Variants in OCA2 observed in about 807,000 individuals in gnomAD.
OCA2 encodes the protein P protein.
In OCA2, 77 loss-of-function variants were observed where a neutral mutation model predicts 100.2. The ratio of observed to expected loss-of-function variants is 0.77; its 90% CI spans 0.64 to 0.93. OCA2 has a LOEUF of 0.93. OCA2 is among the 40% of genes least tolerant of loss of function. The pLI is 0.00. For synonymous variants in OCA2, 432 were observed against 439.2 expected (o/e 0.98, Z 0.21); for missense variants, 1,062 against 1,089.1 (o/e 0.98, Z 0.35).
intron 18 of OCA2, among the ~76,000 whole-genome samples, chr15:27,942,614 A>G (rs922355255): frequency 6.6e-6 from 1 of 152,182 alleles, no homozygotes; most frequent in African/African-American, 2.4e-5. Context: ...CTTTGTGAAT[A>G]TACTAAAATA....
At chr15:27,950,592 G>C (rs1487068594) in intron 18 of OCA2, 1 of 513,636 alleles carries the variant, frequency 1.9e-6, no homozygotes, top group Admixed American at 2.0e-5. Flanking sequence ...AGATTATCAA[G>C]AGAAAGAAAT....
At chr15:28,001,154 G>A (rs549521874) in intron 9 of OCA2, among the ~76,000 whole-genome samples, 7 of 152,012 alleles carry the variant, frequency 4.6e-5, no homozygotes, top group South Asian at 4.2e-4. Flanking sequence ...ATATCTGTGC[G>A]GCCATGTTCA....
At chr15:27,966,643 T>C (rs1314900666) in intron 15 of OCA2, 47 bp downstream of exon 15, 15 of 1,608,178 alleles carry the variant, frequency 9.3e-6, no homozygotes, top group African/African-American at 1.3e-5. Flanking sequence ...ACAAACAATA[T>C]TATGGTCATG....
chr15:28,003,933 GA>G (rs1234307096), intron 9 of OCA2, among the ~76,000 whole-genome samples: 1 of 152,196 alleles, frequency 6.6e-6, no homozygotes, highest in Non-Finnish European at 1.5e-5. Context: ...AGAGTGATGC[GA>G]AACCGAGGGA....
chr15:27,920,688 G>C (rs1377757722), intron 19 of OCA2, among the ~76,000 whole-genome samples: 1 of 151,608 alleles, frequency 6.6e-6, no homozygotes, highest in Non-Finnish European at 1.5e-5. Context: ...GCATTAAGTA[G>C]AGAATATCAC....
At chr15:27,877,071 A>G (rs2036821361) in intron 19 of OCA2, among the ~76,000 whole-genome samples, 1 of 151,876 alleles carries the variant, frequency 6.6e-6, no homozygotes, top group African/African-American at 2.4e-5. Flanking sequence ...AATTTTTTAT[A>G]TATTTTCATC....
intron 2 of OCA2, among the ~76,000 whole-genome samples, chr15:28,032,556 C>T (rs555428104): frequency 1.3e-5 from 2 of 151,526 alleles, no homozygotes; most frequent in Middle Eastern, 3.2e-3. Flanking sequence ...GAGACTGAGG[C>T]GGGTGAACCA....
chr15:27,973,376 T>A (rs1169418724), intron 14 of OCA2, among the ~76,000 whole-genome samples: 4 of 152,186 alleles, frequency 2.6e-5, no homozygotes, highest in South Asian at 2.1e-4. Flanking sequence ...GAGATAGGGA[T>A]CCAGTTTCAT....
At chr15:28,051,825 C>T (rs2043527218) in intron 2 of OCA2, among the ~76,000 whole-genome samples, 1 of 152,040 alleles carries the variant, frequency 6.6e-6, no homozygotes, top group South Asian at 2.1e-4. Context: ...CAGATTTCGT[C>T]CTCATGTGAC....
chr15:27,732,619 C>A, the OCA2 span, among the ~76,000 whole-genome samples: 1 of 152,116 alleles, frequency 6.6e-6, no homozygotes. Context: ...AGGTGTCTGT[C>A]CTTGCTGCTG....
At chr15:27,929,233 T>C (rs1327920018) in intron 18 of OCA2, among the ~76,000 whole-genome samples, 4 of 152,194 alleles carry the variant, frequency 2.6e-5, no homozygotes, top group Non-Finnish European at 5.9e-5. Context: ...TTTGAGAATA[T>C]ACTTTATCTC....
At chr15:27,813,764 G>T (rs2151230952) in intron 23 of OCA2, among the ~76,000 whole-genome samples, 1 of 152,272 alleles carries the variant, frequency 6.6e-6, no homozygotes, top group East Asian at 1.9e-4. Flanking sequence ...CAAATCCAAT[G>T]CATCTTCAGA....
At chr15:27,858,392 A>G (rs949261624) in intron 21 of OCA2, among the ~76,000 whole-genome samples, 75 of 152,046 alleles carry the variant, frequency 4.9e-4, no homozygotes, top group African/African-American at 1.5e-3. Context: ...AAGAAAGAAA[A>G]AAAAAAAAAA....
the OCA2 span, among the ~76,000 whole-genome samples, chr15:27,737,134 C>G: frequency 6.6e-6 from 1 of 152,118 alleles, no homozygotes; most frequent in African/African-American, 2.4e-5. Context: ...AGGAATAAAT[C>G]TAGTGAAAAA....
intron 22 of OCA2, among the ~76,000 whole-genome samples, chr15:27,850,658 G>A (rs2035714655): frequency 6.6e-6 from 1 of 152,126 alleles, no homozygotes; most frequent in South Asian, 2.1e-4. Context: ...TAACCAGAGA[G>A]GTATTGATTT....
At chr15:28,009,684 TCACACACACA>T (rs747425942) in intron 9 of OCA2, among the ~76,000 whole-genome samples, 1,741 of 138,104 alleles carry the variant, frequency 0.013, 33 homozygotes, top group African/African-American at 0.044. Flanking sequence ...CGAGATTCTG[TCACACACACA>T]CACACACACA....
intron 2 of OCA2, among the ~76,000 whole-genome samples, chr15:28,071,182 A>AG (rs2044248631): frequency 1.8e-5 from 2 of 110,058 alleles, no homozygotes; most frequent in African/African-American, 7.2e-5. Flanking sequence ...TAAAAAAAAA[A>AG]AAAGAAAAAC....
chr15:27,929,825 A>AAAATTTTTTTTTT (rs71132826), intron 18 of OCA2, among the ~76,000 whole-genome samples: 1 of 149,134 alleles, frequency 6.7e-6, no homozygotes, highest in Non-Finnish European at 1.5e-5. Flanking sequence ...CAAATGGGAA[A>AAAATTTTTTTTTT]TATTTTAAAC....
intron 2 of OCA2, among the ~76,000 whole-genome samples, chr15:28,058,165 G>A (rs369168619): frequency 6.6e-6 from 1 of 152,194 alleles, no homozygotes; most frequent in African/African-American, 2.4e-5. Flanking sequence ...AGAGACTTTG[G>A]GGAAATGCTA....
Sources: allele counts gnomAD v4.1 joint callset (sites outside exome capture counted in the v4.1 genomes callset), GRCh38; gene constraint gnomAD v4.1.1; transcripts MANE v1.5; gene names NCBI Gene and HGNC (gene_info 2026-07-23, HGNC 2026-07-21).